Variants in XPR1 observed in about 807,000 individuals in gnomAD.
XPR1 encodes the protein solute carrier family 53 member 1.
A neutral mutation model predicts 87.5 loss-of-function variants in XPR1; 28 were observed. The ratio of observed to expected loss-of-function variants is 0.32; its 90% CI spans 0.24 to 0.44. XPR1 has a LOEUF of 0.44. XPR1 is among the 20% of genes least tolerant of loss of function. The pLI is 1.00. For synonymous variants in XPR1, 300 were observed against 306.1 expected (o/e 0.98, Z 0.21); for missense variants, 559 against 862.3 (o/e 0.65, Z 4.41).
chr1:180,881,543 A>T (rs1652853809), intron 14 of XPR1, among the ~76,000 whole-genome samples: 1 of 152,184 alleles, frequency 6.6e-6, no homozygotes, highest in Non-Finnish European at 1.5e-5. Flanking sequence ...ACTGTGTAAG[A>T]TATATTAGGC....
intron 1 of XPR1, among the ~76,000 whole-genome samples, chr1:180,669,087 C>CT (rs1656064867): frequency 7.5e-6 from 1 of 133,836 alleles, no homozygotes; most frequent in South Asian, 2.4e-4. Context: ...GAAACTCTGT[C>CT]TAAAAAAAAA....
At chr1:180,788,302 G>T (rs1649255300) in intron 3 of XPR1, among the ~76,000 whole-genome samples, 2 of 152,114 alleles carry the variant, frequency 1.3e-5, no homozygotes, top group Non-Finnish European at 2.9e-5. Context: ...TCGAATGTGA[G>T]AATAAAATAT....
intron 2 of XPR1, among the ~76,000 whole-genome samples, chr1:180,786,171 AG>A (rs1456236291): frequency 1.3e-5 from 2 of 149,752 alleles, no homozygotes; most frequent in African/African-American, 4.8e-5. Flanking sequence ...TGTAAATAAA[AG>A]TTTTGTGCAG....
chr1:180,828,162 C>T (rs1164281686), intron 9 of XPR1, among the ~76,000 whole-genome samples: 1 of 152,032 alleles, frequency 6.6e-6, no homozygotes, highest in Non-Finnish European at 1.5e-5. Flanking sequence ...AAGTGTGAGC[C>T]ACCACACCCA....
intron 4 of XPR1, among the ~76,000 whole-genome samples, chr1:180,804,049 G>C (rs748552944): frequency 1.3e-5 from 2 of 150,566 alleles, no homozygotes; most frequent in Non-Finnish European, 2.9e-5. Context: ...AAAATGACAC[G>C]ATCTCGGCTC....
intron 1 of XPR1, among the ~76,000 whole-genome samples, chr1:180,637,396 A>G (rs1342957169): frequency 6.6e-6 from 1 of 152,222 alleles, no homozygotes; most frequent in Non-Finnish European, 1.5e-5. Flanking sequence ...CAGTAATACC[A>G]ATAATGCAAG....
intron 7 of XPR1, among the ~76,000 whole-genome samples, chr1:180,813,317 A>G (rs951001200): frequency 1.3e-5 from 2 of 152,166 alleles, no homozygotes; most frequent in Admixed American, 6.5e-5. Flanking sequence ...CAAGATGTCT[A>G]CCTAGCTTAT....
chr1:180,787,959 C>T, intron 3 of XPR1, 105 bp downstream of exon 3: 1 of 802,316 alleles, frequency 1.2e-6, no homozygotes, highest in Non-Finnish European at 2.0e-6. Context: ...TCTTGTTTTC[C>T]TTACTATACT....
intron 14 of XPR1, among the ~76,000 whole-genome samples, chr1:180,882,841 T>C (rs1373060482): frequency 6.6e-6 from 1 of 152,256 alleles, no homozygotes; most frequent in African/African-American, 2.4e-5. Flanking sequence ...ATAACTGTTA[T>C]GCCTCTCCTT....
chr1:180,827,760 C>A (rs1162286287), intron 9 of XPR1, among the ~76,000 whole-genome samples: 1 of 152,122 alleles, frequency 6.6e-6, no homozygotes, highest in African/African-American at 2.4e-5. Flanking sequence ...GGAAAACTTA[C>A]CCTTAGACTG....
At chr1:180,735,208 G>T (rs763640409) in intron 2 of XPR1, among the ~76,000 whole-genome samples, 3 of 152,330 alleles carry the variant, frequency 2.0e-5, no homozygotes, top group African/African-American at 2.4e-5. Flanking sequence ...TAATCAAATA[G>T]TGACTTTAAA....
intron 2 of XPR1, among the ~76,000 whole-genome samples, chr1:180,725,950 A>C (rs1212336304): frequency 1.3e-5 from 2 of 152,218 alleles, no homozygotes; most frequent in Non-Finnish European, 2.9e-5. Context: ...TAAATGAGAT[A>C]ATGTATGTTA....
chr1:180,726,025 C>T (rs1300326565), intron 2 of XPR1, among the ~76,000 whole-genome samples: 1 of 152,196 alleles, frequency 6.6e-6, no homozygotes, highest in Non-Finnish European at 1.5e-5. Context: ...GTGAAGCCAG[C>T]TGGACTTCCT....
At chr1:180,812,207 T>G (rs1014633589) in intron 7 of XPR1, among the ~76,000 whole-genome samples, 42 of 152,226 alleles carry the variant, frequency 2.8e-4, no homozygotes, top group Admixed American at 2.7e-3. Context: ...CAGTCTCCTT[T>G]GCTAGCTATA....
At chr1:180,656,633 GTATAATATATTATTATATATAATA>G (rs1442154074) in intron 1 of XPR1, among the ~76,000 whole-genome samples, 5 of 85,986 alleles carry the variant, frequency 5.8e-5, no homozygotes, top group Non-Finnish European at 8.5e-5. Context: ...ATATATGTAT[GTATAATATATTATTATATATAATA>G]TATAATTTAT....
At chr1:180,811,743 C>T (rs1650222759) in intron 7 of XPR1, among the ~76,000 whole-genome samples, 1 of 151,972 alleles carries the variant, frequency 6.6e-6, no homozygotes, top group African/African-American at 2.4e-5. Flanking sequence ...TTTCCAGTTT[C>T]TGTATATAAC....
At chr1:180,682,321 C>A (rs773533245) in intron 1 of XPR1, 39 bp from the exon 2 acceptor site, 13 of 1,523,208 alleles carry the variant, frequency 8.5e-6, no homozygotes, top group Non-Finnish European at 1.2e-5. Flanking sequence ...ATAAAGCTTA[C>A]TCATGATTTC....
chr1:180,842,218 CTT>C (rs1380730899), intron 11 of XPR1, among the ~76,000 whole-genome samples: 1 of 152,078 alleles, frequency 6.6e-6, no homozygotes, highest in Admixed American at 6.6e-5. Flanking sequence ...AGATCTGAGT[CTT>C]TTCAAAGAAC....
intron 1 of XPR1, among the ~76,000 whole-genome samples, chr1:180,648,130 G>A (rs1655181216): frequency 6.6e-6 from 1 of 152,222 alleles, no homozygotes; most frequent in South Asian, 2.1e-4. Flanking sequence ...CTATTGCTCA[G>A]CTCCAAAACT....
Sources: allele counts gnomAD v4.1 joint callset (sites outside exome capture counted in the v4.1 genomes callset), GRCh38; gene constraint gnomAD v4.1.1; transcripts MANE v1.5; gene names NCBI Gene and HGNC (gene_info 2026-07-23, HGNC 2026-07-21).